RBFOX1: variants seen among roughly 807,000 people sequenced by gnomAD.
RBFOX1 encodes RNA binding protein fox-1 homolog 1.
Under a neutral mutation model 57.7 loss-of-function variants are expected in RBFOX1, and 8 were observed. That is an observed-to-expected ratio of 0.14 (90% CI 0.08 to 0.25). The LOEUF is 0.25. RBFOX1 is among the 10% of genes least tolerant of loss of function. The pLI is 1.00. For synonymous variants in RBFOX1, 326 were observed against 222.4 expected (o/e 1.47, Z -4.15); for missense variants, 611 against 548.5 (o/e 1.11, Z -1.14).
chr16:5,469,762 A>G (rs1043253129), intron 2 of RBFOX1, among the ~76,000 whole-genome samples: 2 of 152,168 alleles, frequency 1.3e-5, no homozygotes, highest in Non-Finnish European at 2.9e-5. Context: ...ATTGTATAGT[A>G]TGTGGTCTTC....
At chr16:7,154,060 T>G (rs1385022467) in intron 4 of RBFOX1, among the ~76,000 whole-genome samples, 1 of 152,210 alleles carries the variant, frequency 6.6e-6, no homozygotes, top group Non-Finnish European at 1.5e-5. Context: ...GCAACAGATT[T>G]GCTTAAATAA....
chr16:6,269,475 A>G (rs1217172713), intron 1 of RBFOX1, among the ~76,000 whole-genome samples: 1 of 152,212 alleles, frequency 6.6e-6, no homozygotes, highest in Non-Finnish European at 1.5e-5. Flanking sequence ...CAACGAAAAC[A>G]TCTTGGAAGT....
At chr16:6,489,695 T>A (rs2095587214) in intron 2 of RBFOX1, among the ~76,000 whole-genome samples, 1 of 152,160 alleles carries the variant, frequency 6.6e-6, no homozygotes, top group Admixed American at 6.5e-5. Flanking sequence ...ACTTACCTGT[T>A]TTTGAAAGAG....
intron 4 of RBFOX1, among the ~76,000 whole-genome samples, chr16:5,909,424 A>G (rs1002339278): frequency 6.6e-6 from 1 of 152,186 alleles, no homozygotes; most frequent in Non-Finnish European, 1.5e-5. Flanking sequence ...AAATAAAATA[A>G]TAGAGAAGCC....
chr16:7,486,184 G>A (rs924140882), intron 4 of RBFOX1, among the ~76,000 whole-genome samples: 11 of 145,692 alleles, frequency 7.6e-5, no homozygotes, highest in South Asian at 4.4e-4. Context: ...GTGCAGTGGC[G>A]TGATCTCAGC....
intron 4 of RBFOX1, among the ~76,000 whole-genome samples, chr16:7,158,072 G>A (rs1567502379): frequency 6.6e-6 from 1 of 152,050 alleles, no homozygotes; most frequent in Non-Finnish European, 1.5e-5. Flanking sequence ...GGGTTGGCTG[G>A]GCGCGGTAGC....
At chr16:7,563,131 C>G (rs1314711806) in intron 5 of RBFOX1, among the ~76,000 whole-genome samples, 1 of 152,180 alleles carries the variant, frequency 6.6e-6, no homozygotes, top group African/African-American at 2.4e-5. Flanking sequence ...ATCCTCTTGT[C>G]TGAGTCATCA....
At chr16:6,392,586 T>G (rs1421564941) in intron 2 of RBFOX1, among the ~76,000 whole-genome samples, 1 of 152,224 alleles carries the variant, frequency 6.6e-6, no homozygotes, top group Non-Finnish European at 1.5e-5. Flanking sequence ...CCTGATGGAA[T>G]ATGGTAATAT....
chr16:6,049,965 T>G lies in RBFOX1; in HGVS notation c.-127+29973T>G, dbSNP rs188878701. 4.3e-3 allele frequency among the ~76,000 whole-genome samples: 660 copies of G among 151,782 alleles called. 5 individuals carry two copies. The highest frequency in any genetic ancestry group is 0.017 in the Middle Eastern group (5 of 294). Reference sequence around the variant, plus strand: ...AAAAAAAGCTTAAAACGTTTTTTTTTTTTTTTGAGAGTGGAAGTCTTGCTC... The same window carrying G: ...AAAAAAAGCTTAAAACGTTTTTTTTGTTTTTTGAGAGTGGAAGTCTTGCTC... On this transcript the variant is annotated intron_variant, in intron 1 of 15. Coordinates refer to ENST00000550418, the MANE Select transcript of RBFOX1 (RefSeq NM_018723.4).
intron 2 of RBFOX1, among the ~76,000 whole-genome samples, chr16:6,613,797 G>C (rs1182241914): frequency 3.3e-5 from 5 of 152,200 alleles, no homozygotes; most frequent in Non-Finnish European, 7.3e-5. Context: ...AATTAGCCGG[G>C]TGTGGTGGTG....
intron 1 of RBFOX1, among the ~76,000 whole-genome samples, chr16:5,435,451 G>T (rs1183347164): frequency 1.3e-5 from 2 of 152,174 alleles, no homozygotes; most frequent in Non-Finnish European, 2.9e-5. Context: ...GCCAACATGA[G>T]TAGGGCTATC....
intron 1 of RBFOX1, among the ~76,000 whole-genome samples, chr16:5,378,340 C>G (rs1403193174): frequency 5.3e-5 from 8 of 151,504 alleles, no homozygotes; most frequent in Admixed American, 5.2e-4. Context: ...CAGTCGGACT[C>G]TCGCTCTCCA....
intron 5 of RBFOX1, among the ~76,000 whole-genome samples, chr16:7,545,528 C>T (rs925825893): frequency 5.9e-5 from 9 of 152,124 alleles, no homozygotes; most frequent in South Asian, 4.1e-4. Context: ...TGTTAATAGG[C>T]GCCAGACAGG....
chr16:5,524,688 A>G (rs9936962), intron 2 of RBFOX1, among the ~76,000 whole-genome samples: 6,606 of 151,718 alleles, frequency 0.044, 495 homozygotes, highest in African/African-American at 0.15. Flanking sequence ...TTACAGACGC[A>G]TGCCACCGTG....
chr16:5,425,250 C>T (rs147711914), intron 1 of RBFOX1, among the ~76,000 whole-genome samples: 3,367 of 151,980 alleles, frequency 0.022, 59 homozygotes, highest in East Asian at 0.049. Context: ...GGATTATAGA[C>T]GTGCACCACC....
At chr16:6,328,065 C>A (rs1457507462) in intron 2 of RBFOX1, among the ~76,000 whole-genome samples, 1 of 152,066 alleles carries the variant, frequency 6.6e-6, no homozygotes, top group Non-Finnish European at 1.5e-5. Context: ...AATGAGTGGA[C>A]AAACAAACTG....
At position 6,892,800 on chromosome 16, in the gene RBFOX1, C is replaced by G. The variant is rs1018061625; in HGVS notation, c.-15-159257C>G. Among the ~76,000 whole-genome samples the G allele has an allele frequency of 1.9e-4, 27 of 138,940 alleles. No individual in the cohort carries two copies. In the South Asian group the frequency reaches 5.7e-3, roughly 29 times the overall value. The allele number at this position is 138,940 out of a possible 152,430, so 91.2% of individuals were successfully genotyped here. A position where few individuals can be genotyped will look rare whatever the true frequency, so the allele number is the denominator to read the frequency against. On this transcript the variant is annotated intron_variant, in intron 3 of 15. Transcript: ENST00000550418. ...CCTCTCTCTCTCTCTCTCTCTCTCTCTCTCTCTCTCTCTCTCTCTCTCTCT... is the reference window on the plus strand; with the variant it reads ...CCTCTCTCTCTCTCTCTCTCTCTCTGTCTCTCTCTCTCTCTCTCTCTCTCT...
intron 3 of RBFOX1, among the ~76,000 whole-genome samples, chr16:6,830,279 A>G (rs981019711): frequency 6.6e-6 from 1 of 152,208 alleles, no homozygotes; most frequent in Non-Finnish European, 1.5e-5. Flanking sequence ...GCATTCTGAT[A>G]TACACAACAG....
intron 1 of RBFOX1, among the ~76,000 whole-genome samples, chr16:5,401,022 A>G (rs1337885823): frequency 6.6e-6 from 1 of 152,114 alleles, no homozygotes; most frequent in East Asian, 1.9e-4. Context: ...CAGGGTTGTC[A>G]TTTGTCATTA....
Sources: gnomAD v4.1 joint callset for allele counts (sites outside exome capture counted in the v4.1 genomes callset) on GRCh38, gnomAD v4.1.1 for gene constraint, MANE v1.5 for transcripts, NCBI Gene and HGNC (gene_info 2026-07-23, HGNC 2026-07-21) for gene names.